HACD2: variants seen among roughly 807,000 people sequenced by gnomAD.
The protein encoded by HACD2 is 3-hydroxyacyl-CoA dehydratase 2.
In HACD2, 15 loss-of-function variants were observed where a neutral mutation model predicts 31.0. The observed-to-expected ratio is 0.48, with a 90% confidence interval of 0.32 to 0.75. The LOEUF (loss-of-function observed/expected upper bound fraction) is 0.75, where lower values mean the gene tolerates loss of function less well. Among genes scored for constraint, HACD2 ranks in the 30% least tolerant of loss-of-function variants. The pLI is 0.03. For missense variants in HACD2, 283 were observed against 313.0 expected (o/e 0.90, Z 0.72); for synonymous variants, 115 against 122.2 (o/e 0.94, Z 0.39).
At chr3:123,571,254 A>C (rs953077301) in intron 2 of HACD2, among the ~76,000 whole-genome samples, 1 of 152,242 alleles carries the variant, frequency 6.6e-6, no homozygotes, top group Non-Finnish European at 1.5e-5. Context: ...CAGCATTCTT[A>C]AGGCGATCCC....
chr3:123,584,776 T>A, intron 1 of HACD2, 97 bp downstream of exon 1: 1 of 1,018,418 alleles, frequency 9.8e-7, no homozygotes, highest in Non-Finnish European at 1.3e-6. Context: ...ATGCACTGCC[T>A]GCGGCGGGCC....
At chr3:123,554,523 T>C (rs2056654290) in intron 3 of HACD2, among the ~76,000 whole-genome samples, 2 of 151,474 alleles carry the variant, frequency 1.3e-5, no homozygotes, top group Non-Finnish European at 2.9e-5. Flanking sequence ...CGAAAAAAAA[T>C]TAAAGAAAAT....
intron 3 of HACD2, among the ~76,000 whole-genome samples, chr3:123,543,478 C>T (rs1459361614): frequency 6.6e-6 from 1 of 152,028 alleles, no homozygotes; most frequent in Non-Finnish European, 1.5e-5. Flanking sequence ...AAACTGTTAC[C>T]TCTGAGGAAG....
chr3:123,499,911 G>A (rs1007443686), intron 6 of HACD2, among the ~76,000 whole-genome samples: 5 of 152,064 alleles, frequency 3.3e-5, no homozygotes, highest in Non-Finnish European at 5.9e-5. Flanking sequence ...TACACTGATA[G>A]GCACATTTGA....
intron 4 of HACD2, among the ~76,000 whole-genome samples, chr3:123,527,675 T>C (rs996439210): frequency 1.3e-5 from 2 of 152,222 alleles, no homozygotes; most frequent in African/African-American, 4.8e-5. Flanking sequence ...TATGCTAAAG[T>C]TGCTAAGTCC....
At chr3:123,555,308 G>C (rs148123028) in intron 3 of HACD2, among the ~76,000 whole-genome samples, 1 of 152,154 alleles carries the variant, frequency 6.6e-6, no homozygotes, top group Non-Finnish European at 1.5e-5. Context: ...TTTGTTCAAA[G>C]ATGATATGAT....
At chr3:123,564,902 T>C (rs2056774579) in intron 3 of HACD2, among the ~76,000 whole-genome samples, 1 of 152,098 alleles carries the variant, frequency 6.6e-6, no homozygotes, top group Non-Finnish European at 1.5e-5. Flanking sequence ...GATGCAGAGC[T>C]TAATGAAACA....
chr3:123,525,392 C>T (rs1056061261), intron 4 of HACD2, among the ~76,000 whole-genome samples: 1 of 152,120 alleles, frequency 6.6e-6, no homozygotes, highest in Non-Finnish European at 1.5e-5. Context: ...GATCCTTACA[C>T]ATAAGAGAAA....
chr3:123,494,586 T>C lies in HACD2; in HGVS notation c.*302A>G. ...GTGTTACAGGTCTTCATTGATCAGA[T>C]ACATGAAGGACACAGAAGGACATAA... On this transcript the variant is annotated 3_prime_UTR_variant, in exon 7 of 7. Transcript: ENST00000383657. 2.5e-6 allele frequency: 1 copy of C among 400,334 alleles called. No homozygotes were observed. Among genetic ancestry groups the C allele is most frequent in the South Asian group, 2.4e-5 (1 of 41,138 alleles). 24.8% of individuals were successfully genotyped at this position (400,334 alleles called of 1,614,324 possible).
intron 3 of HACD2, among the ~76,000 whole-genome samples, chr3:123,536,380 T>C (rs954051585): frequency 1.3e-5 from 2 of 152,126 alleles, no homozygotes; most frequent in African/African-American, 4.8e-5. Context: ...ACAGAACTGC[T>C]AACACTTCAA....
At chr3:123,520,111 G>T (rs2056194539) in intron 4 of HACD2, among the ~76,000 whole-genome samples, 1 of 152,174 alleles carries the variant, frequency 6.6e-6, no homozygotes, top group Non-Finnish European at 1.5e-5. Flanking sequence ...ATGGCCTCCT[G>T]ACTCACCATC....
chr3:123,504,438 G>A (rs1259383055), intron 4 of HACD2, among the ~76,000 whole-genome samples: 1 of 152,016 alleles, frequency 6.6e-6, no homozygotes, highest in Non-Finnish European at 1.5e-5. Context: ...CGGAGCAAAT[G>A]AATTCAGTCC....
At chr3:123,529,150 G>A (rs2056320854) in intron 3 of HACD2, among the ~76,000 whole-genome samples, 2 of 151,976 alleles carry the variant, frequency 1.3e-5, no homozygotes, top group Admixed American at 1.3e-4. Flanking sequence ...ACCCAGGCTG[G>A]AGTGTAGTGG....
chr3:123,535,237 C>G (rs752925470), intron 3 of HACD2, among the ~76,000 whole-genome samples: 1 of 151,758 alleles, frequency 6.6e-6, no homozygotes, highest in East Asian at 1.9e-4. Flanking sequence ...TGTGTAGATA[C>G]ACAAATACCA....
chr3:123,550,707 T>C (rs2056610602), intron 3 of HACD2, among the ~76,000 whole-genome samples: 1 of 152,090 alleles, frequency 6.6e-6, no homozygotes, highest in South Asian at 2.1e-4. Context: ...ATGTTGAGTC[T>C]GTGGTGTCTG....
intron 3 of HACD2, among the ~76,000 whole-genome samples, chr3:123,551,612 G>C (rs371179855): frequency 1.5e-4 from 22 of 150,876 alleles, no homozygotes; most frequent in African/African-American, 5.4e-4. Flanking sequence ...GACAGAGTGA[G>C]ACTGTCTCAA....
chr3:123,503,276 A>AG (rs1056676104), intron 4 of HACD2, among the ~76,000 whole-genome samples: 2 of 151,842 alleles, frequency 1.3e-5, no homozygotes, highest in African/African-American at 4.8e-5. Flanking sequence ...AAAAAAAAAA[A>AG]AAGCACAACT....
chr3:123,572,226 C>T (rs927096842), intron 2 of HACD2, among the ~76,000 whole-genome samples: 1 of 152,154 alleles, frequency 6.6e-6, no homozygotes, highest in Non-Finnish European at 1.5e-5. Context: ...ACATGTTGCA[C>T]CAGGCACAGT....
At chr3:123,527,831 G>A (rs575943661) in intron 4 of HACD2, among the ~76,000 whole-genome samples, 18 of 152,300 alleles carry the variant, frequency 1.2e-4, no homozygotes, top group East Asian at 9.6e-4. Context: ...TTACATTTGC[G>A]GGTAGAAGGC....
Sources: gnomAD v4.1 joint callset for allele counts (sites outside exome capture counted in the v4.1 genomes callset) on GRCh38, gnomAD v4.1.1 for gene constraint, MANE v1.5 for transcripts, NCBI Gene and HGNC (gene_info 2026-07-23, HGNC 2026-07-21) for gene names.